The following SCRIB variants were observed in gnomAD, a reference collection of about 807,000 sequenced individuals.
SCRIB encodes protein scribble homolog.
A neutral mutation model predicts 170.0 loss-of-function variants in SCRIB; 72 were observed. The observed-to-expected ratio is 0.42, with a 90% CI of 0.35 to 0.52. The LOEUF is 0.52. Ranked by LOEUF, SCRIB falls within the 20% of genes least tolerant of loss-of-function variation. The pLI is 0.02. For synonymous variants in SCRIB, 1,298 were observed against 1,044.3 expected, an observed-to-expected ratio of 1.24 and a Z score of -4.68; for missense variants, 2,475 against 2,338.5, an observed-to-expected ratio of 1.06 and a Z score of -1.20.
At position 143,793,569 on chromosome 8, in the gene SCRIB, G is replaced by A. The variant is rs369422857; in HGVS notation, c.3909+331C>T. 87 of 360,176 alleles carry A rather than the reference G, an allele frequency of 2.4e-4. No individual in the cohort carries two copies. The East Asian group carries it at 2.6e-3, about 11-fold the overall frequency. The allele number at this position is 360,176 out of a possible 1,614,324, so 22.3% of individuals were successfully genotyped here. On this transcript the variant is annotated intron_variant, in intron 28 of 36. Coordinates refer to ENST00000356994, the MANE Select transcript of SCRIB (RefSeq NM_182706.5). ...GTTGGGAGGTGCCAACAGTGGGGGG[G>A]CAAGGACCCCCAGACAAAAGGCAGG...
chr8:143,804,211 T>C, intron 21 of SCRIB, 55 bp from the exon 22 acceptor site: 1 of 1,337,326 alleles, frequency 7.5e-7, no homozygotes, highest in Admixed American at 2.2e-5. Context: ...GGAAAGGGTG[T>C]GGGAGGGCTC....
At chr8:143,810,627 C>G in intron 12 of SCRIB, 23 bp from the exon 13 acceptor site, 2 of 1,608,280 alleles carry the variant, frequency 1.2e-6, no homozygotes, top group East Asian at 2.2e-5. Context: ...CAAGGATGAG[C>G]AGCAGCCACA....
intron 8 of SCRIB, 151 bp from the exon 9 acceptor site, chr8:143,812,535 A>G (rs1226154044): frequency 1.4e-6 from 1 of 706,878 alleles, no homozygotes; most frequent in Non-Finnish European, 2.4e-6. Flanking sequence ...ACCTTGCCCC[A>G]CAAGCCTGAC....
At chr8:143,795,181 G>C in intron 26 of SCRIB, 69 bp from the exon 27 acceptor site, 1 of 1,598,242 alleles carries the variant, frequency 6.3e-7, no homozygotes, top group Non-Finnish European at 8.6e-7. Flanking sequence ...CACAGGGCAG[G>C]AGAGGGGGTC....
chr8:143,815,108 C>A (rs1816010133), intron 1 of SCRIB, 106 bp downstream of exon 1: 1 of 1,314,446 alleles, frequency 7.6e-7, no homozygotes, highest in Non-Finnish European at 1.0e-6. Context: ...TGCAAACCAG[C>A]AGGGCCGGCT....
chr8:143,794,620 ATCC>A (rs1251674624), intron 27 of SCRIB, among the ~76,000 whole-genome samples: 11 of 151,882 alleles, frequency 7.2e-5, no homozygotes, highest in Admixed American at 2.0e-4. Flanking sequence ...GGGCCTGCAC[ATCC>A]TCCTGCCTGT....
intron 13 of SCRIB, 55 bp from the exon 14 acceptor site, chr8:143,809,773 C>T: frequency 6.3e-7 from 1 of 1,576,896 alleles, no homozygotes; most frequent in South Asian, 1.1e-5. Context: ...ACAGGCTGGC[C>T]ACCTGGGATG....
At position 143,791,703 on chromosome 8, in the gene SCRIB, G is replaced by C; in HGVS notation, c.4733C>G (p.Ala1578Gly). 2 of 1,603,932 alleles carry C rather than the reference G, an allele frequency of 1.2e-6. No individual in the cohort carries two copies. Among genetic ancestry groups the C allele is most frequent in the African/African-American group, 2.7e-5 (2 of 74,788 alleles). ...SGKKFDYRAFAALPSSRPVYD... is the reference protein window; with the variant it reads ...SGKKFDYRAFGALPSSRPVYD... ...GACAGGTCTGGAAGAAGGCAGGGCC[G>C]CAAAGGCCCTGTAGTCAAACTTCTT... The change falls in exon 35 of 37, where the codon GCG (alanine) becomes GGG (glycine). Residue 1578 changes from alanine (A) to glycine (G), a missense_variant. This residue lies in a region of SCRIB where 1,966 missense variants were observed against 1,742.9 expected (regional missense o/e 1.13). Transcript: ENST00000356994.
intron 1 of SCRIB, 47 bp from the exon 2 acceptor site, chr8:143,814,165 G>C (rs776113863): frequency 1.4e-6 from 2 of 1,438,510 alleles, no homozygotes; most frequent in Admixed American, 2.0e-5. Context: ...CCACTGCAGA[G>C]CAGAGAAGAG....
At chr8:143,791,772 G>C (rs1554632725) in intron 34 of SCRIB, 32 bp from the exon 35 acceptor site, 1 of 1,491,302 alleles carries the variant, frequency 6.7e-7, no homozygotes, top group East Asian at 2.3e-5. Context: ...GAGAGGCAGA[G>C]AGTGAGAGGA....
Position 143,815,465 on chromosome 8 carries a change from G to T in SCRIB, c.-93C>A. 1 of 1,084,808 alleles carries T rather than the reference G, an allele frequency of 9.2e-7. No homozygotes were observed. Among genetic ancestry groups the T allele is most frequent in the Non-Finnish European group, 1.1e-6 (1 of 894,284 alleles). 67.2% of individuals were successfully genotyped at this position (1,084,808 alleles called of 1,614,324 possible). A position where few individuals can be genotyped will look rare whatever the true frequency, so the allele number is the denominator to read the frequency against. On this transcript the variant is annotated 5_prime_UTR_variant, in exon 1 of 37. Coordinates refer to ENST00000356994, the MANE Select transcript of SCRIB (RefSeq NM_182706.5). Reference sequence around the variant, plus strand: ...AGTCCGCATGGGCGCCGCGCATGGGGAGGGGGCGCAGGCAGGGGGCGGGCC... The same window carrying T: ...AGTCCGCATGGGCGCCGCGCATGGGTAGGGGGCGCAGGCAGGGGGCGGGCC...
chr8:143,809,106 C>T (rs1364662825), intron 14 of SCRIB, 81 bp from the exon 15 acceptor site: 1 of 1,487,152 alleles, frequency 6.7e-7, no homozygotes, highest in Non-Finnish European at 8.9e-7. Context: ...AGTGTGGCCA[C>T]AGACGGGCTC....
intron 24 of SCRIB, among the ~76,000 whole-genome samples, chr8:143,801,538 C>T (rs1162177723): frequency 2.0e-5 from 3 of 152,152 alleles, no homozygotes; most frequent in African/African-American, 7.2e-5. Context: ...TCAAAAGATC[C>T]CATTTTTTTA....
intron 24 of SCRIB, among the ~76,000 whole-genome samples, chr8:143,802,308 T>G (rs1815207714): frequency 6.6e-6 from 1 of 152,232 alleles, no homozygotes; most frequent in Admixed American, 6.5e-5. Flanking sequence ...ACGCTGGCTG[T>G]GGGTCAGGAC....
chr8:143,807,524 G>A, intron 16 of SCRIB, 28 bp downstream of exon 16: 1 of 1,599,028 alleles, frequency 6.3e-7, no homozygotes, highest in African/African-American at 1.3e-5. Flanking sequence ...CAGCGGCCCG[G>A]CCAGAGTGCA....
At chr8:143,803,060 C>T (rs1171188806) in intron 24 of SCRIB, among the ~76,000 whole-genome samples, 1 of 152,204 alleles carries the variant, frequency 6.6e-6, no homozygotes, top group Non-Finnish European at 1.5e-5. Flanking sequence ...TGGGACTCTG[C>T]AGGAGTCACC....
chr8:143,805,511 C>T (rs1178195464), intron 18 of SCRIB, 76 bp from the exon 19 acceptor site: 5 of 1,363,172 alleles, frequency 3.7e-6, no homozygotes, highest in Non-Finnish European at 2.9e-6. Flanking sequence ...GCTCCACACG[C>T]TCCCTCCAGG....
intron 32 of SCRIB, 39 bp downstream of exon 32, chr8:143,792,180 AG>A: frequency 6.4e-7 from 1 of 1,558,244 alleles, no homozygotes; most frequent in Non-Finnish European, 8.6e-7. Flanking sequence ...GAGCAGGGAC[AG>A]GCAGCAGGGC....
intron 24 of SCRIB, among the ~76,000 whole-genome samples, chr8:143,800,575 G>A (rs782507255): frequency 1.3e-5 from 2 of 152,236 alleles, no homozygotes; most frequent in Non-Finnish European, 2.9e-5. Context: ...AGAAAAGCTC[G>A]ACATAAAGAT....
Sources: allele counts gnomAD v4.1 joint callset (sites outside exome capture counted in the v4.1 genomes callset), GRCh38; gene constraint gnomAD v4.1.1; regional missense constraint gnomAD v4.1.1; transcripts MANE v1.5; gene names NCBI Gene and HGNC (gene_info 2026-07-23, HGNC 2026-07-21).